Variants in HMGN3 observed in about 807,000 individuals in gnomAD.
HMGN3 encodes the protein high mobility group nucleosome-binding domain-containing protein 3.
HMGN3 carries 6 observed loss-of-function variants against 18.8 expected under a neutral mutation model. The observed-to-expected ratio is 0.32, with a 90% confidence interval of 0.18 to 0.63. The LOEUF (loss-of-function observed/expected upper bound fraction) is 0.63. Among genes scored for constraint, HMGN3 ranks in the 30% least tolerant of loss-of-function variants. The probability of loss-of-function intolerance (pLI) is 0.79; values close to 1 mark genes in which losing one functional copy is unlikely to be tolerated. For synonymous variants in HMGN3, 40 were observed against 36.5 expected, an observed-to-expected ratio of 1.10 and a Z score of -0.35; for missense variants, 107 against 114.2, an observed-to-expected ratio of 0.94 and a Z score of 0.29.
intron 1 of HMGN3, among the ~76,000 whole-genome samples, chr6:79,222,360 T>C (rs766524505): frequency 6.6e-6 from 1 of 152,120 alleles, no homozygotes; most frequent in Non-Finnish European, 1.5e-5. Flanking sequence ...AAAATTCAAA[T>C]AACACACCAC....
At chr6:79,215,116 C>A in intron 1 of HMGN3, 94 bp from the exon 2 acceptor site, 1 of 747,746 alleles carries the variant, frequency 1.3e-6, no homozygotes, top group Non-Finnish European at 2.2e-6. Context: ...CAGGACAAGA[C>A]AAGCCAACAG....
At chr6:79,229,067 C>T (rs1179076286) in intron 1 of HMGN3, among the ~76,000 whole-genome samples, 4 of 152,148 alleles carry the variant, frequency 2.6e-5, no homozygotes, top group African/African-American at 9.7e-5. Flanking sequence ...AAACCCTTAC[C>T]TCATACCACA....
At chr6:79,217,726 G>C (rs1777061083) in intron 1 of HMGN3, among the ~76,000 whole-genome samples, 1 of 152,156 alleles carries the variant, frequency 6.6e-6, no homozygotes, top group African/African-American at 2.4e-5. Context: ...TTAACACTAA[G>C]CCACAGGCCG....
intron 1 of HMGN3, among the ~76,000 whole-genome samples, chr6:79,223,849 C>G (rs1777426851): frequency 6.6e-6 from 1 of 151,738 alleles, no homozygotes; most frequent in African/African-American, 2.4e-5. Context: ...CTTCTCTAGA[C>G]TTGAGTTTCT....
At chr6:79,210,708 C>T (rs1299563898) in intron 2 of HMGN3, among the ~76,000 whole-genome samples, 1 of 152,000 alleles carries the variant, frequency 6.6e-6, no homozygotes, top group Non-Finnish European at 1.5e-5. Flanking sequence ...AACATGTTAG[C>T]CATTACTCAA....
At chr6:79,226,951 A>C (rs1409945230) in intron 1 of HMGN3, among the ~76,000 whole-genome samples, 3 of 152,242 alleles carry the variant, frequency 2.0e-5, no homozygotes, top group Non-Finnish European at 4.4e-5. Flanking sequence ...AGTGAAATGT[A>C]CAATAAGTAA....
chr6:79,212,385 T>C (rs906035875), intron 2 of HMGN3, among the ~76,000 whole-genome samples: 1 of 152,218 alleles, frequency 6.6e-6, no homozygotes, highest in Non-Finnish European at 1.5e-5. Context: ...CTTACTTTGT[T>C]TTTCTTCATA....
chr6:79,230,100 A>T (rs1173643144), intron 1 of HMGN3, among the ~76,000 whole-genome samples: 1 of 152,242 alleles, frequency 6.6e-6, no homozygotes, highest in African/African-American at 2.4e-5. Context: ...ACACTACTGG[A>T]CAATAAAAAA....
At chr6:79,234,613 G>A in exon 1 of HMGN3, 1 of 1,586,918 alleles carries the variant, frequency 6.3e-7, no homozygotes, top group Non-Finnish European at 8.6e-7. Flanking sequence ...AACTGCTGGC[G>A]CCGCCGCTGG....
chr6:79,225,104 T>C (rs890887761), intron 1 of HMGN3, among the ~76,000 whole-genome samples: 6 of 152,214 alleles, frequency 3.9e-5, no homozygotes, highest in African/African-American at 1.4e-4. Context: ...ACTTCGTCTT[T>C]GGTACGTTTT....
intron 1 of HMGN3, among the ~76,000 whole-genome samples, chr6:79,219,811 G>A (rs566918025): frequency 3.9e-5 from 6 of 152,102 alleles, no homozygotes; most frequent in East Asian, 1.9e-4. Flanking sequence ...TCTGGTGTTC[G>A]TTTTATACTT....
intron 1 of HMGN3, among the ~76,000 whole-genome samples, chr6:79,217,193 C>G (rs1457370852): frequency 6.6e-6 from 1 of 152,208 alleles, no homozygotes; most frequent in East Asian, 1.9e-4. Flanking sequence ...GCTAGCAAAG[C>G]TCGTTTCTCT....
chr6:79,212,852 T>TA (rs1776768831), intron 2 of HMGN3, among the ~76,000 whole-genome samples: 3 of 152,132 alleles, frequency 2.0e-5, no homozygotes, highest in Admixed American at 6.5e-5. Context: ...AATCAATCAA[T>TA]ACACTGACAG....
At chr6:79,202,112 C>T in intron 5 of HMGN3, 1 of 1,542,842 alleles carries the variant, frequency 6.5e-7, no homozygotes, top group Non-Finnish European at 8.7e-7. Context: ...GGGTGGGGTG[C>T]CTCTGGAGGT....
At chr6:79,205,421 G>A (rs1395619139) in intron 3 of HMGN3, among the ~76,000 whole-genome samples, 1 of 152,230 alleles carries the variant, frequency 6.6e-6, no homozygotes, top group Admixed American at 6.5e-5. Context: ...TGAGTCTCAT[G>A]AGATCTGATG....
chr6:79,229,691 C>G (rs1460045942), intron 1 of HMGN3, among the ~76,000 whole-genome samples: 1 of 152,122 alleles, frequency 6.6e-6, no homozygotes, highest in Non-Finnish European at 1.5e-5. Flanking sequence ...TCCTGGCTAA[C>G]ACGGTGAAAC....
chr6:79,203,676 A>T (rs1776266435), intron 3 of HMGN3, 46 bp from the exon 4 acceptor site: 1 of 958,304 alleles, frequency 1.0e-6, no homozygotes, highest in Non-Finnish European at 1.6e-6. Flanking sequence ...AAAAAAAAAA[A>T]CTATCAGCAC....
intron 1 of HMGN3, among the ~76,000 whole-genome samples, chr6:79,224,402 G>C: frequency 6.6e-6 from 1 of 152,140 alleles, no homozygotes; most frequent in Middle Eastern, 3.2e-3. Flanking sequence ...GATATGTAAA[G>C]GAGTGCTTCC....
chr6:79,229,686 GCTAACACGGTGAAACCCCGTGTATA>G (rs1380346192), intron 1 of HMGN3, among the ~76,000 whole-genome samples: 1 of 152,158 alleles, frequency 6.6e-6, no homozygotes, highest in Non-Finnish European at 1.5e-5. Context: ...GACCATCCTG[GCTAACACGGTGAAACCCCGTGTATA>G]CTAAAAATAC....
Sources: allele counts gnomAD v4.1 joint callset (sites outside exome capture counted in the v4.1 genomes callset), GRCh38; gene constraint gnomAD v4.1.1; transcripts MANE v1.5; gene names NCBI Gene and HGNC (gene_info 2026-07-23, HGNC 2026-07-21).